Variants in CNTNAP2 observed in about 807,000 individuals in gnomAD.
CNTNAP2 encodes the protein contactin-associated protein-like 2.
Under a neutral mutation model 155.2 loss-of-function variants are expected in CNTNAP2, and 98 were observed. That is an observed-to-expected ratio of 0.63 (90% confidence interval 0.54 to 0.75). CNTNAP2 has a LOEUF of 0.75. Ranked by LOEUF, CNTNAP2 falls within the 30% of genes least tolerant of loss-of-function variation. The probability of loss-of-function intolerance (pLI) is 0.00; values close to 1 mark genes in which losing one functional copy is unlikely to be tolerated. For synonymous variants in CNTNAP2, 651 were observed against 631.2 expected, an observed-to-expected ratio of 1.03 and a Z score of -0.47; for missense variants, 1,727 against 1,688.1, an observed-to-expected ratio of 1.02 and a Z score of -0.40.
chr7:147,404,568 A>C (rs1796971815), intron 10 of CNTNAP2, among the ~76,000 whole-genome samples: 1 of 152,184 alleles, frequency 6.6e-6, no homozygotes, highest in South Asian at 2.1e-4. Context: ...AACTACTGGC[A>C]ATTTCTGAGA....
intron 1 of CNTNAP2, among the ~76,000 whole-genome samples, chr7:146,527,887 T>C (rs1797714250): frequency 6.6e-6 from 1 of 152,202 alleles, no homozygotes; most frequent in Non-Finnish European, 1.5e-5. Flanking sequence ...AATGTGACAA[T>C]GTCCAGGACA....
intron 4 of CNTNAP2, among the ~76,000 whole-genome samples, chr7:147,050,321 A>T (rs1799448996): frequency 6.6e-6 from 1 of 152,210 alleles, no homozygotes; most frequent in Non-Finnish European, 1.5e-5. Flanking sequence ...CAGTGCACTG[A>T]TTAAAGTACT....
chr7:147,071,477 C>A, intron 4 of CNTNAP2, among the ~76,000 whole-genome samples: 1 of 152,074 alleles, frequency 6.6e-6, no homozygotes, highest in East Asian at 1.9e-4. Flanking sequence ...TAACTGCAGT[C>A]CCCAAATATG....
intron 4 of CNTNAP2, among the ~76,000 whole-genome samples, chr7:147,086,807 A>G (rs1320712691): frequency 6.6e-6 from 1 of 152,156 alleles, no homozygotes; most frequent in African/African-American, 2.4e-5. Flanking sequence ...TATATCAAAT[A>G]ATGTCTGGGA....
intron 21 of CNTNAP2, among the ~76,000 whole-genome samples, chr7:148,296,888 A>C (rs1247513397): frequency 2.0e-5 from 3 of 152,188 alleles, no homozygotes; most frequent in Non-Finnish European, 1.5e-5. Flanking sequence ...AGTTTATTCA[A>C]AGAATGTTGA....
intron 15 of CNTNAP2, among the ~76,000 whole-genome samples, chr7:147,993,906 T>C (rs1055041272): frequency 2.0e-5 from 3 of 151,820 alleles, no homozygotes; most frequent in Non-Finnish European, 2.9e-5. Flanking sequence ...GAAGCACCTA[T>C]TAAGGAATCA....
intron 1 of CNTNAP2, among the ~76,000 whole-genome samples, chr7:146,362,334 C>T (rs1411480908): frequency 6.6e-6 from 1 of 151,932 alleles, no homozygotes; most frequent in African/African-American, 2.4e-5. Flanking sequence ...GTGAAAAGTG[C>T]AAGGAGGAAA....
chr7:146,729,442 A>G (rs888605132), intron 1 of CNTNAP2, among the ~76,000 whole-genome samples: 3 of 152,142 alleles, frequency 2.0e-5, no homozygotes, highest in Non-Finnish European at 4.4e-5. Context: ...AGTCAGTGCT[A>G]AACTATTTGT....
At chr7:146,934,485 T>C (rs1046618904) in intron 3 of CNTNAP2, among the ~76,000 whole-genome samples, 1 of 149,892 alleles carries the variant, frequency 6.7e-6, no homozygotes, top group Non-Finnish European at 1.5e-5. Context: ...CAATAGGAGA[T>C]ATACCTAATG....
intron 20 of CNTNAP2, among the ~76,000 whole-genome samples, chr7:148,239,823 T>G (rs779836993): frequency 6.6e-6 from 1 of 152,010 alleles, no homozygotes; most frequent in Non-Finnish European, 1.5e-5. Context: ...TTCCTAGGAG[T>G]GTGGTGGAGG....
At position 148,121,269 on chromosome 7, in the gene CNTNAP2, G is replaced by A. The variant is rs369423869; in HGVS notation, c.2554+2981G>A. 1.6e-4 allele frequency among the ~76,000 whole-genome samples: 24 copies of A among 152,188 alleles called. No homozygotes were observed. In the South Asian group the frequency reaches 4.6e-3, roughly 29 times the overall value. The stretch of plus-strand genomic sequence containing the variant: ...AGGCTGGTCTCGAACTCCTGACCTC[G>A]TGATCCACCCGCGTCGGCCTCCCAA... On this transcript the variant is annotated intron_variant, in intron 16 of 23. Coordinates refer to ENST00000361727, the MANE Select transcript of CNTNAP2 (RefSeq NM_014141.6).
intron 21 of CNTNAP2, among the ~76,000 whole-genome samples, chr7:148,271,700 T>G (rs1452200537): frequency 1.3e-5 from 2 of 152,176 alleles, no homozygotes; most frequent in African/African-American, 4.8e-5. Context: ...AGCTAATCAC[T>G]GGCCACCCCT....
intron 15 of CNTNAP2, among the ~76,000 whole-genome samples, chr7:148,077,180 G>A (rs140388345): frequency 0.01 from 1,558 of 152,054 alleles, 13 homozygotes; most frequent in South Asian, 0.025. Flanking sequence ...GGGGGTACAT[G>A]CCTGTAATCC....
At chr7:146,141,260 A>ACAT (rs1797878121) in intron 1 of CNTNAP2, among the ~76,000 whole-genome samples, 1 of 152,160 alleles carries the variant, frequency 6.6e-6, no homozygotes, top group Non-Finnish European at 1.5e-5. Flanking sequence ...TGTGAGTAAA[A>ACAT]CATCTGACTA....
intron 9 of CNTNAP2, among the ~76,000 whole-genome samples, chr7:147,394,751 A>G (rs1796781846): frequency 6.7e-6 from 1 of 150,178 alleles, no homozygotes; most frequent in Admixed American, 6.7e-5. Context: ...ATAAACTCTT[A>G]ATGTCTGATT....
intron 1 of CNTNAP2, among the ~76,000 whole-genome samples, chr7:146,162,931 C>G (rs1416667069): frequency 1.3e-5 from 2 of 152,252 alleles, no homozygotes; most frequent in Admixed American, 1.3e-4. Context: ...ACCGCATGTT[C>G]TCACTCATAG....
At chr7:146,725,310 C>A (rs898307348) in intron 1 of CNTNAP2, among the ~76,000 whole-genome samples, 1 of 152,164 alleles carries the variant, frequency 6.6e-6, no homozygotes, top group South Asian at 2.1e-4. Context: ...AGTAAAACAA[C>A]CTTTGCAGAC....
intron 3 of CNTNAP2, among the ~76,000 whole-genome samples, chr7:146,859,903 G>A (rs1795066112): frequency 1.3e-5 from 2 of 152,024 alleles, no homozygotes; most frequent in African/African-American, 4.8e-5. Flanking sequence ...ATATGAAAGA[G>A]AAAAATTTAA....
intron 1 of CNTNAP2, among the ~76,000 whole-genome samples, chr7:146,354,411 A>ATTTTTTTTTTTT (rs10641636): frequency 1.5e-5 from 2 of 135,346 alleles, no homozygotes; most frequent in Non-Finnish European, 3.1e-5. Context: ...TCTTGTTAGT[A>ATTTTTTTTTTTT]TTTTTTTTTT....
Sources: gnomAD v4.1 joint callset for allele counts (sites outside exome capture counted in the v4.1 genomes callset) on GRCh38, gnomAD v4.1.1 for gene constraint, MANE v1.5 for transcripts, NCBI Gene and HGNC (gene_info 2026-07-23, HGNC 2026-07-21) for gene names.